The following CTNND2 variants were observed in gnomAD, a reference collection of about 807,000 sequenced individuals.
The protein encoded by CTNND2 is catenin delta 2.
In CTNND2, 22 loss-of-function variants were observed where a neutral mutation model predicts 144.4. That is an observed-to-expected ratio of 0.15 (90% CI 0.11 to 0.22). CTNND2 has a LOEUF of 0.22. Ranked by LOEUF, CTNND2 falls within the 10% of genes least tolerant of loss-of-function variation. The pLI is 1.00. For synonymous variants in CTNND2, 751 were observed against 695.6 expected, an observed-to-expected ratio of 1.08 and a Z score of -1.25; for missense variants, 1,353 against 1,618.8, an observed-to-expected ratio of 0.84 and a Z score of 2.82.
At chr5:11,231,379 G>A (rs1040534199) in intron 10 of CTNND2, among the ~76,000 whole-genome samples, 1 of 152,190 alleles carries the variant, frequency 6.6e-6, no homozygotes, top group Non-Finnish European at 1.5e-5. Flanking sequence ...AAGTACAAAA[G>A]TTTGGAAGTT....
At chr5:11,094,685 T>C (rs950719097) in intron 15 of CTNND2, among the ~76,000 whole-genome samples, 3 of 152,110 alleles carry the variant, frequency 2.0e-5, no homozygotes, top group Admixed American at 6.5e-5. Flanking sequence ...AGGATGATCT[T>C]GATCTCTTGA....
At chr5:11,680,611 GC>G (rs1784385761) in intron 2 of CTNND2, among the ~76,000 whole-genome samples, 1 of 152,268 alleles carries the variant, frequency 6.6e-6, no homozygotes, top group Non-Finnish European at 1.5e-5. Flanking sequence ...TGCATTACGT[GC>G]ACTTAAAACA....
At chr5:11,328,952 G>A (rs745455159) in intron 9 of CTNND2, among the ~76,000 whole-genome samples, 1 of 152,184 alleles carries the variant, frequency 6.6e-6, no homozygotes, top group Admixed American at 6.5e-5. Flanking sequence ...CCCAGTTCTG[G>A]AGGCTGGAAG....
chr5:11,801,009 G>A (rs10474679), intron 1 of CTNND2, among the ~76,000 whole-genome samples: 115 of 152,228 alleles, frequency 7.6e-4, no homozygotes, highest in African/African-American at 2.7e-3. Flanking sequence ...CATCTATCAA[G>A]GCTAAAAGAA....
chr5:11,412,419 A>G (rs1581140088), intron 3 of CTNND2, among the ~76,000 whole-genome samples: 2 of 152,310 alleles, frequency 1.3e-5, no homozygotes, highest in African/African-American at 4.8e-5. Context: ...AGGATCATGT[A>G]GACTTTGTAA....
intron 6 of CTNND2, among the ~76,000 whole-genome samples, chr5:11,389,667 A>T (rs1759450874): frequency 6.6e-6 from 1 of 152,166 alleles, no homozygotes; most frequent in African/African-American, 2.4e-5. Context: ...AATGAACAGT[A>T]CTCAAGTTTG....
chr5:11,057,691 G>A (rs1254054172), intron 16 of CTNND2, among the ~76,000 whole-genome samples: 1 of 152,224 alleles, frequency 6.6e-6, no homozygotes, highest in Non-Finnish European at 1.5e-5. Flanking sequence ...AGTGGCTTTG[G>A]AACTTGGTAA....
rs756966820 is a variant in CTNND2 at position 10,973,629 on chromosome 5, C to A, written c.3502G>T (p.Asp1168Tyr). 1.4e-5 allele frequency: 22 copies of A among 1,614,106 alleles called. No individual in the cohort carries two copies. Among genetic ancestry groups the A allele is most frequent in the Non-Finnish European group, 1.5e-5 (18 of 1,179,984 alleles). Residue 1168 changes from aspartate to tyrosine, a missense_variant, in exon 22 of 22, where the codon GAT (aspartate) becomes TAT (tyrosine). Transcript: ENST00000304623. This position sits in a 1 kb window ranked among gnomAD's most constrained non-coding sequence, Gnocchi z 5.6. ...QPFQNSTRNY[D>Y]ESFFEDQVHH... ...ACCTGGTCCTCGAAGAAGGACTCATCGTAATTTCTTGTGGAATTCTGAAAT... is the reference window on the plus strand; with the variant it reads ...ACCTGGTCCTCGAAGAAGGACTCATAGTAATTTCTTGTGGAATTCTGAAAT...
At chr5:11,552,629 C>T (rs535878123) in intron 3 of CTNND2, among the ~76,000 whole-genome samples, 10 of 152,278 alleles carry the variant, frequency 6.6e-5, no homozygotes, top group African/African-American at 1.2e-4. Flanking sequence ...CTTAAAGGCA[C>T]GCCTTAAATG....
intron 18 of CTNND2, among the ~76,000 whole-genome samples, chr5:10,993,317 T>A (rs533744054): frequency 1.3e-5 from 2 of 152,238 alleles, no homozygotes; most frequent in Non-Finnish European, 2.9e-5. Context: ...TATTTTTCCT[T>A]ATAAAAACCG....
intron 2 of CTNND2, among the ~76,000 whole-genome samples, chr5:11,699,717 C>A (rs1488127340): frequency 6.6e-6 from 1 of 152,118 alleles, no homozygotes; most frequent in Non-Finnish European, 1.5e-5. Flanking sequence ...TAAATTCTTG[C>A]CACATAAAAA....
intron 11 of CTNND2, among the ~76,000 whole-genome samples, chr5:11,163,215 T>G (rs1484387812): frequency 6.6e-6 from 1 of 152,184 alleles, no homozygotes; most frequent in Non-Finnish European, 1.5e-5. Flanking sequence ...TAAAAAGGCT[T>G]TGTGGCTCCC....
At chr5:11,085,728 A>G (rs1480802040) in intron 15 of CTNND2, among the ~76,000 whole-genome samples, 1 of 152,186 alleles carries the variant, frequency 6.6e-6, no homozygotes, top group Non-Finnish European at 1.5e-5. Context: ...CTGGGGAAAG[A>G]AAGGATGCAG....
chr5:11,410,879 T>G lies in CTNND2; in HGVS notation c.439+657A>C, dbSNP rs548561548. ...GAGTAAAGCACTGATAGGTAATTTT[T>G]TTTTTTTTTTAAGACGGAGTCTCCT... On this transcript the variant is annotated intron_variant, in intron 5 of 21. Transcript: ENST00000304623. Among the ~76,000 whole-genome samples the G allele has an allele frequency of 6.5e-4, 99 of 152,158 alleles. 1 individual carries two copies. The highest frequency in any genetic ancestry group is 4.3e-3 in the Admixed American group (65 of 15,276).
At chr5:11,077,289 A>G (rs1038777252) in intron 16 of CTNND2, among the ~76,000 whole-genome samples, 8 of 152,204 alleles carry the variant, frequency 5.3e-5, no homozygotes, top group African/African-American at 1.9e-4. Flanking sequence ...TACATTATAT[A>G]TTAGAAGGTA....
intron 8 of CTNND2, 75 bp from the exon 9 acceptor site, chr5:11,346,702 G>C: frequency 7.5e-7 from 1 of 1,339,670 alleles, no homozygotes; most frequent in Non-Finnish European, 9.6e-7. Context: ...GTCTAGGCAG[G>C]GGCAGGGGAA....
rs1358378810 is a variant in CTNND2, at chr5:11,750,273, G to A, written c.38-18001C>T. On this transcript the variant is annotated intron_variant, in intron 1 of 21. Coordinates refer to ENST00000304623, the MANE Select transcript of CTNND2 (RefSeq NM_001332.4). ...TGAGTACAAGCATTTAAGATCCCCT[G>A]TATGATTCCTCATTCTCTGTTTCTT... is the stretch of plus-strand genomic sequence containing the variant. 2.0e-5 allele frequency among the ~76,000 whole-genome samples: 3 copies of A among 151,838 alleles called. No homozygotes were observed. The East Asian group carries it at 5.8e-4, about 29-fold the overall frequency.
chr5:11,420,476 G>A (rs1168664671), intron 3 of CTNND2, among the ~76,000 whole-genome samples: 1 of 152,118 alleles, frequency 6.6e-6, no homozygotes, highest in Non-Finnish European at 1.5e-5. Flanking sequence ...CCCAAGAATA[G>A]CCATGGGTTG....
chr5:11,103,170 C>G (rs1175214051), intron 14 of CTNND2, among the ~76,000 whole-genome samples: 2 of 151,190 alleles, frequency 1.3e-5, no homozygotes, highest in Non-Finnish European at 2.9e-5. Flanking sequence ...TTAGTAGAGA[C>G]GGGGTTTCGC....
Sources: gnomAD v4.1 joint callset for allele counts (sites outside exome capture counted in the v4.1 genomes callset) on GRCh38, gnomAD v4.1.1 for gene constraint, Gnocchi (gnomAD v3.1) non-coding constraint, MANE v1.5 for transcripts, NCBI Gene and HGNC (gene_info 2026-07-23, HGNC 2026-07-21) for gene names.